The following THG1L variants were observed in gnomAD, a reference collection of about 807,000 sequenced individuals.
THG1L encodes the protein probable tRNA(His) guanylyltransferase.
In THG1L, 27 loss-of-function variants were observed where a neutral mutation model predicts 35.2. The observed-to-expected ratio is 0.77, with a 90% confidence interval of 0.57 to 1.06. The LOEUF (loss-of-function observed/expected upper bound fraction) is 1.06, where lower values mean the gene tolerates loss of function less well. Among genes scored for constraint, THG1L ranks in the 50% least tolerant of loss-of-function variants. THG1L has a pLI of 0.00. For synonymous variants in THG1L, 135 were observed against 132.4 expected, an observed-to-expected ratio of 1.02 and a Z score of -0.14; for missense variants, 377 against 371.8, an observed-to-expected ratio of 1.01 and a Z score of -0.12.
rs567498438 is a variant in THG1L at position 157,738,487 on chromosome 5, A to G, written c.735+493A>G. 567 of 351,508 alleles carry G rather than the reference A, an allele frequency of 1.6e-3. 3 individuals are homozygous for G. The highest frequency in any genetic ancestry group is 2.6e-3 in the Non-Finnish European group (485 of 185,552). The allele number at this position is 351,508 out of a possible 1,614,324, so 21.8% of individuals were successfully genotyped here. A position where few individuals can be genotyped will look rare whatever the true frequency, so the allele number is the denominator to read the frequency against. ...GCTTAATATTCTGTAATAAGTCTGT[A>G]CATTTACCTATATCCTTAATTTTAC... On this transcript the variant is annotated intron_variant, in intron 5 of 5. Transcript: ENST00000231198.
Position 157,740,292 on chromosome 5 carries a change from T to C in THG1L, c.*810T>C, listed in dbSNP as rs1761000690. On this transcript the variant is annotated 3_prime_UTR_variant, in exon 6 of 6. Coordinates refer to ENST00000231198, the MANE Select transcript of THG1L (RefSeq NM_017872.5). ...TTCAGTTTTAAAAGTCACTTTCCTA[T>C]TAGACTTCTTGAAAAACATTCTCAC... 1 of 152,240 alleles carries C rather than the reference T, an allele frequency of 6.6e-6. No individual in the cohort carries two copies. Among genetic ancestry groups the C allele is most frequent in the African/African-American group, 2.4e-5 (1 of 41,464 alleles). 9.4% of individuals were successfully genotyped at this position (152,240 alleles called of 1,614,324 possible).
intron 4 of THG1L, among the ~76,000 whole-genome samples, chr5:157,737,013 G>A (rs1346779398): frequency 6.6e-6 from 1 of 151,800 alleles, no homozygotes; most frequent in East Asian, 1.9e-4. Flanking sequence ...CCCCAGGCTG[G>A]TCTTGAACTC....
chr5:157,740,564 G>T lies in THG1L; in HGVS notation c.*1082G>T, dbSNP rs1761008241. The T allele has an allele frequency of 6.6e-6, 1 of 152,228 alleles. No homozygotes were observed. The highest frequency in any genetic ancestry group is 6.6e-5 in the Admixed American group (1 of 15,260). The allele number at this position is 152,228 out of a possible 1,614,324, so 9.4% of individuals were successfully genotyped here. On this transcript the variant is annotated 3_prime_UTR_variant, in exon 6 of 6. Transcript: ENST00000231198. ...GTGAGAGAACTCACATTTTTCTCTT[G>T]TCCTGGTTTTATATTTCGGAGGGAA...
chr5:157,738,778 A>G (rs548123724), intron 5 of THG1L: 84 of 292,070 alleles, frequency 2.9e-4, no homozygotes, highest in African/African-American at 1.9e-3. Flanking sequence ...AATGAGGAAC[A>G]TGGAATCCTT....
intron 2 of THG1L, among the ~76,000 whole-genome samples, chr5:157,733,407 CATT>C (rs1479240029): frequency 1.5e-4 from 23 of 152,294 alleles, no homozygotes; most frequent in African/African-American, 5.5e-4. Flanking sequence ...AGACAGATCT[CATT>C]ATAAAATACA....
chr5:157,732,764 C>A, intron 1 of THG1L, 104 bp from the exon 2 acceptor site: 1 of 1,361,266 alleles, frequency 7.3e-7, no homozygotes, highest in Non-Finnish European at 1.0e-6. Context: ...GTTCACAGTG[C>A]TATTACATTA....
In THG1L at chr5:157,731,620, G is replaced by A. The variant is rs372984130; in HGVS notation, c.180G>A (p.Arg60=). 1.9e-6 allele frequency: 3 copies of A among 1,597,170 alleles called. No individual in the cohort carries two copies. The highest frequency in any genetic ancestry group is 2.7e-5 in the African/African-American group (2 of 74,262). ...HCWVVVRLDG[R]NFHRFAEKHN... is the part of the protein sequence containing the mutation. ...GGGTGGTAGTGCGGCTGGACGGCCGGAATTTCCATCGGTGAGCGAGCTCGA... is the reference window on the plus strand; with the variant it reads ...GGGTGGTAGTGCGGCTGGACGGCCGAAATTTCCATCGGTGAGCGAGCTCGA... The change falls in exon 1 of 6, where the codon CGG becomes CGA. Residue 60 remains arginine (R), a synonymous_variant. Coordinates refer to ENST00000231198, the MANE Select transcript of THG1L (RefSeq NM_017872.5).
intron 4 of THG1L, among the ~76,000 whole-genome samples, chr5:157,737,123 G>T (rs1217549962): frequency 1.3e-5 from 2 of 152,030 alleles, no homozygotes; most frequent in Non-Finnish European, 2.9e-5. Flanking sequence ...ACAATGCCTG[G>T]TACATTATGT....
In THG1L at chr5:157,739,491, C is replaced by T. The variant is rs374069871; in HGVS notation, c.*9C>T. ...TAGATGAAGACAGCTGACCCTTTTG[C>T]GCTTCAGTTCTGGTGTGCTTAACCA... is the stretch of plus-strand genomic sequence containing the variant. On this transcript the variant is annotated 3_prime_UTR_variant, in exon 6 of 6. Coordinates refer to ENST00000231198, the MANE Select transcript of THG1L (RefSeq NM_017872.5). 40 of 1,609,140 alleles carry T rather than the reference C, an allele frequency of 2.5e-5. No homozygotes were observed. The highest frequency in any genetic ancestry group is 1.7e-4 in the Middle Eastern group (1 of 6,054).
intron 1 of THG1L, 30 bp downstream of exon 1, chr5:157,731,661 T>C: frequency 6.3e-7 from 1 of 1,574,998 alleles, no homozygotes; most frequent in Non-Finnish European, 8.6e-7. Context: ...GGCGTCGCGA[T>C]GCGCCAGCGC....
chr5:157,736,814 CATG>C (rs1760900676), intron 4 of THG1L, among the ~76,000 whole-genome samples: 1 of 152,156 alleles, frequency 6.6e-6, no homozygotes, highest in African/African-American at 2.4e-5. Flanking sequence ...AATTAAATGG[CATG>C]ATGCACGTAA....
Position 157,735,920 on chromosome 5 carries a change from C to T in THG1L, c.613C>T (p.Gln205Ter), listed in dbSNP as rs753756998. ...QQSGLTPVQAQGRLQGTLAAD... is the reference protein window; with the variant it reads ...QQSGLTPVQA ...ATCTGGACTAACACCAGTACAAGCC[C>T]AAGGGAGATTACAGGTATAAAGATC... is the stretch of plus-strand genomic sequence containing the variant. Residue 205 changes from glutamine to a stop codon, truncating the protein, a stop_gained, in exon 4 of 6, where the codon CAA (glutamine) becomes TAA (stop). Coordinates refer to ENST00000231198, the MANE Select transcript of THG1L (RefSeq NM_017872.5). LOFTEE classifies it high-confidence loss of function. 6.2e-7 allele frequency: 1 copy of T among 1,600,910 alleles called. No individual in the cohort carries two copies. Among genetic ancestry groups the T allele is most frequent in the South Asian group, 1.1e-5 (1 of 88,694 alleles).
Position 157,733,014 on chromosome 5 carries a change from G to A in THG1L, c.338G>A (p.Arg113Gln), listed in dbSNP as rs753096616. The change falls in exon 2 of 6, where the codon CGG becomes CAG. Residue 113 changes from arginine (R) to glutamine (Q), a missense_variant. Arg to Gln is a conservative substitution (Grantham distance 43). Transcript: ENST00000231198. ...QSDEYSFVFK[R>Q]KTNWFKRRAS... ...GATGAGTACAGCTTTGTGTTCAAGC[G>A]GAAAACCAATTGGTTTAAAAGAAGA... is the stretch of plus-strand genomic sequence containing the variant. The A allele has an allele frequency of 9.3e-6, 15 of 1,613,900 alleles. No homozygotes were observed. The East Asian group carries it at 2.9e-4, about 31-fold the overall frequency.
rs1489661560 is a variant in THG1L, at chr5:157,731,482, C to T, written c.42C>T (p.Ala14=). The change falls in exon 1 of 6, where the codon GCC becomes GCT. Residue 14 remains alanine (A), a synonymous_variant. Transcript: ENST00000231198. ...ACKVKVHDSL[A]TISITLRRYL... ...AAGTTAAGGTTCACGATTCCTTGGC[C>T]ACCATTTCCATCACTCTGAGACGGT... 1.9e-6 allele frequency: 3 copies of T among 1,609,846 alleles called. No homozygotes were observed. Among genetic ancestry groups the T allele is most frequent in the South Asian group, 1.1e-5 (1 of 90,254 alleles).
rs532828440 is a variant in THG1L, at chr5:157,740,065, G to A, written c.*583G>A. 4.6e-5 allele frequency: 7 copies of A among 152,376 alleles called. No individual in the cohort carries two copies. Among genetic ancestry groups the A allele is most frequent in the Non-Finnish European group, 5.9e-5 (4 of 68,060 alleles). 9.4% of individuals were successfully genotyped at this position (152,376 alleles called of 1,614,324 possible). A position where few individuals can be genotyped will look rare whatever the true frequency, so the allele number is the denominator to read the frequency against. On this transcript the variant is annotated 3_prime_UTR_variant, in exon 6 of 6. Transcript: ENST00000231198. ...ACTTTGGCTGAACAAATGAGTAGTGGCTTCAGTGTCCTTGCGTACACATTC... is the reference window on the plus strand; with the variant it reads ...ACTTTGGCTGAACAAATGAGTAGTGACTTCAGTGTCCTTGCGTACACATTC...
At chr5:157,735,744 A>T (rs1192943548) in intron 3 of THG1L, 102 bp from the exon 4 acceptor site, 1 of 747,304 alleles carries the variant, frequency 1.3e-6, no homozygotes, top group Non-Finnish European at 2.1e-6. Flanking sequence ...AGATCTCTTT[A>T]CTATGAAAGA....
intron 1 of THG1L, 41 bp downstream of exon 1, chr5:157,731,672 T>C (rs1474878912): frequency 1.9e-6 from 3 of 1,564,648 alleles, no homozygotes; most frequent in African/African-American, 2.7e-5. Context: ...GCGCCAGCGC[T>C]TCCGGGGAAT....
intron 2 of THG1L, among the ~76,000 whole-genome samples, chr5:157,733,349 C>G (rs1261255379): frequency 6.6e-6 from 1 of 152,216 alleles, no homozygotes; most frequent in Non-Finnish European, 1.5e-5. Flanking sequence ...CATAGGTTGG[C>G]TTTAGCCAGT....
Position 157,740,963 on chromosome 5 carries a change from T to C in THG1L, c.*1481T>C, listed in dbSNP as rs945808629. ...GCTCACACCTGTAATCCCAGCACTT[T>C]GGGGGGCTGAGGCAGGTAGATCACT... On this transcript the variant is annotated 3_prime_UTR_variant, in exon 6 of 6. Coordinates refer to ENST00000231198, the MANE Select transcript of THG1L (RefSeq NM_017872.5). 6.6e-6 allele frequency: 1 copy of C among 150,448 alleles called. No individual in the cohort carries two copies. Among genetic ancestry groups the C allele is most frequent in the South Asian group, 2.1e-4 (1 of 4,772 alleles). The allele number at this position is 150,448 out of a possible 1,614,324, so 9.3% of individuals were successfully genotyped here. A position where few individuals can be genotyped will look rare whatever the true frequency, so the allele number is the denominator to read the frequency against.
Sources: gnomAD v4.1 joint callset for allele counts (sites outside exome capture counted in the v4.1 genomes callset) on GRCh38, gnomAD v4.1.1 for gene constraint, MANE v1.5 for transcripts, NCBI Gene and HGNC (gene_info 2026-07-23, HGNC 2026-07-21) for gene names.